RAD51C: variants seen among roughly 807,000 people sequenced by gnomAD.
The protein encoded by RAD51C is RAD51 paralog C.
A neutral mutation model predicts 45.0 loss-of-function variants in RAD51C; 42 were observed. The ratio of observed to expected loss-of-function variants is 0.93; its 90% CI spans 0.73 to 1.21. The LOEUF (loss-of-function observed/expected upper bound fraction) is 1.21. RAD51C is among the 50% of genes most tolerant of loss of function. RAD51C has a pLI of 0.00. For synonymous variants in RAD51C, 172 were observed against 159.8 expected (o/e 1.08, Z -0.58); for missense variants, 474 against 452.2 (o/e 1.05, Z -0.44).
intron 7 of RAD51C, among the ~76,000 whole-genome samples, chr17:58,727,154 C>T (rs1334997238): frequency 4.6e-5 from 6 of 130,292 alleles, no homozygotes; most frequent in Admixed American, 2.6e-4. Flanking sequence ...GAGGGAGTTT[C>T]GCTCTTTTTG....
chr17:58,716,472 A>T (rs942263256), intron 5 of RAD51C, among the ~76,000 whole-genome samples: 3 of 151,708 alleles, frequency 2.0e-5, no homozygotes, highest in East Asian at 1.9e-4. Flanking sequence ...TTTTTTATTT[A>T]TTTTTTTTGA....
intron 5 of RAD51C, among the ~76,000 whole-genome samples, chr17:58,716,611 T>G (rs968726459): frequency 1.4e-5 from 2 of 145,524 alleles, no homozygotes; most frequent in African/African-American, 5.1e-5. Context: ...TACAGGCGCA[T>G]GCCACCATGC....
At chr17:58,734,029 G>A in intron 8 of RAD51C, 89 bp from the exon 9 acceptor site, 1 of 1,531,096 alleles carries the variant, frequency 6.5e-7, no homozygotes, top group Non-Finnish European at 8.8e-7. Flanking sequence ...GAATAAAGTA[G>A]CTTTCTTATT....
intron 5 of RAD51C, among the ~76,000 whole-genome samples, chr17:58,714,678 C>T (rs1318406535): frequency 6.6e-6 from 1 of 151,912 alleles, no homozygotes; most frequent in Admixed American, 6.6e-5. Flanking sequence ...AGGATGGTCT[C>T]GATCTCCTGA....
intron 5 of RAD51C, among the ~76,000 whole-genome samples, chr17:58,719,407 G>T (rs989964212): frequency 1.3e-5 from 2 of 151,858 alleles, no homozygotes; most frequent in African/African-American, 4.8e-5. Flanking sequence ...TGTAGGTCAG[G>T]TACAGTGGCT....
intron 7 of RAD51C, chr17:58,732,224 C>T (rs1367959688): frequency 1.1e-5 from 4 of 360,480 alleles, no homozygotes; most frequent in South Asian, 7.4e-5. Flanking sequence ...TAAGTAATAT[C>T]TCATCATATG....
In RAD51C at chr17:58,731,404, C is replaced by T. The variant is rs1350760085; in HGVS notation, c.966-1080C>T. Reference sequence around the variant, plus strand: ...CCTCCCGAGTAGCTGGGATTACAGGCATGCGCCACCACACCCGGCTAATTT... The same window carrying T: ...CCTCCCGAGTAGCTGGGATTACAGGTATGCGCCACCACACCCGGCTAATTT... On this transcript the variant is annotated intron_variant, in intron 7 of 8. Coordinates refer to ENST00000337432, the MANE Select transcript of RAD51C (RefSeq NM_058216.3). Among the ~76,000 whole-genome samples, 2 of 151,974 alleles carry T rather than the reference C, an allele frequency of 1.3e-5. No homozygotes were observed. The highest frequency in any genetic ancestry group is 2.4e-5 in the African/African-American group (1 of 41,376).
At chr17:58,726,405 A>G (rs1007378704) in intron 7 of RAD51C, among the ~76,000 whole-genome samples, 2 of 147,390 alleles carry the variant, frequency 1.4e-5, no homozygotes, top group African/African-American at 5.0e-5. Context: ...ATATATGTGT[A>G]TATATATAGA....
intron 3 of RAD51C, among the ~76,000 whole-genome samples, chr17:58,698,133 T>G (rs968888248): frequency 1.3e-5 from 2 of 150,730 alleles, no homozygotes; most frequent in African/African-American, 4.9e-5. Flanking sequence ...TGCCTTAGCC[T>G]CCTGAGTAGC....
chr17:58,716,833 C>T (rs566738978), intron 5 of RAD51C, among the ~76,000 whole-genome samples: 6 of 150,078 alleles, frequency 4.0e-5, no homozygotes, highest in Admixed American at 2.0e-4. Flanking sequence ...TGCAGTGGCG[C>T]GATCTTGGCT....
intron 1 of RAD51C, chr17:58,693,714 T>C (rs2047886423): frequency 2.0e-5 from 3 of 152,192 alleles, no homozygotes; most frequent in Admixed American, 1.3e-4. Flanking sequence ...CTTGATATTC[T>C]ACCAAGCTTT....
intron 6 of RAD51C, among the ~76,000 whole-genome samples, chr17:58,721,789 C>T (rs550693894): frequency 6.6e-6 from 1 of 151,942 alleles, no homozygotes; most frequent in African/African-American, 2.4e-5. Flanking sequence ...CTGCCCTTGA[C>T]TAGTTTTCAA....
chr17:58,713,552 T>C (rs918448801), intron 5 of RAD51C, among the ~76,000 whole-genome samples: 6 of 152,006 alleles, frequency 3.9e-5, no homozygotes, highest in African/African-American at 1.4e-4. Flanking sequence ...CTCACACCTA[T>C]AACCCACCAC....
chr17:58,698,771 A>T (rs1250174609), intron 3 of RAD51C, among the ~76,000 whole-genome samples: 1 of 151,190 alleles, frequency 6.6e-6, no homozygotes, highest in East Asian at 2.0e-4. Context: ...AAATACAAAA[A>T]ATTAGCCGAG....
Position 58,720,718 on chromosome 17 carries a change from C to T in RAD51C, c.838-28C>T, listed in dbSNP as rs980997827. 15 of 1,556,338 alleles carry T rather than the reference C, an allele frequency of 9.6e-6. No individual in the cohort carries two copies. The African/African-American group carries it at 1.8e-4, about 18-fold the overall frequency. On this transcript the variant is annotated intron_variant, in intron 5 of 8. Transcript: ENST00000337432. The stretch of plus-strand genomic sequence containing the variant: ...CTTGATAATTTTCAAAGAGACTCAC[C>T]TAATTTTCTTACATTTTGTTTTTGT...
chr17:58,716,675 G>A (rs2048749693), intron 5 of RAD51C, among the ~76,000 whole-genome samples: 2 of 151,644 alleles, frequency 1.3e-5, no homozygotes, highest in South Asian at 4.2e-4. Flanking sequence ...TGTTAGCCAG[G>A]ATGGCTTTGA....
At chr17:58,701,063 A>T (rs1048759581) in intron 3 of RAD51C, among the ~76,000 whole-genome samples, 2 of 151,980 alleles carry the variant, frequency 1.3e-5, no homozygotes, top group Admixed American at 1.3e-4. Flanking sequence ...ATGCCCAGCT[A>T]ATTTTTTTTG....
In RAD51C at chr17:58,716,863, C is replaced by T. The variant is rs1445140486; in HGVS notation, c.838-3883C>T. 2.6e-5 allele frequency among the ~76,000 whole-genome samples: 4 copies of T among 151,708 alleles called. No individual in the cohort carries two copies. In the South Asian group the frequency reaches 8.4e-4, roughly 32 times the overall value. On this transcript the variant is annotated intron_variant, in intron 5 of 8. Coordinates refer to ENST00000337432, the MANE Select transcript of RAD51C (RefSeq NM_058216.3). ...TTGGCTCACTGCAAGCTCTGCCTCC[C>T]GGGTTCACCATTCTCCTGCCTCTGC...
chr17:58,701,695 C>T (rs369033797), intron 3 of RAD51C, among the ~76,000 whole-genome samples: 5 of 151,234 alleles, frequency 3.3e-5, no homozygotes, highest in African/African-American at 9.7e-5. Flanking sequence ...CTCAGCCTCC[C>T]GAGTACCTGG....
Sources: gnomAD v4.1 joint callset for allele counts (sites outside exome capture counted in the v4.1 genomes callset) on GRCh38, gnomAD v4.1.1 for gene constraint, MANE v1.5 for transcripts, NCBI Gene and HGNC (gene_info 2026-07-23, HGNC 2026-07-21) for gene names.